The following HMCN2 variants were observed in gnomAD, a reference collection of about 807,000 sequenced individuals.
HMCN2 encodes hemicentin 2.
HMCN2 carries 325 observed loss-of-function variants against 377.5 expected under a neutral mutation model. The ratio of observed to expected loss-of-function variants is 0.86; its 90% CI spans 0.79 to 0.94. The LOEUF is 0.94. Among genes scored for constraint, HMCN2 ranks in the 40% least tolerant of loss-of-function variants. The probability of loss-of-function intolerance (pLI) is 0.00; values close to 1 mark genes in which losing one functional copy is unlikely to be tolerated. For synonymous variants in HMCN2, 2,007 were observed against 2,046.8 expected, an observed-to-expected ratio of 0.98 and a Z score of 0.53; for missense variants, 4,543 against 4,725.3, an observed-to-expected ratio of 0.96 and a Z score of 1.13.
chr9:130,406,482 C>A, intron 82 of HMCN2: 1 of 288,820 alleles, frequency 3.5e-6, no homozygotes, highest in Non-Finnish European at 6.9e-6. Context: ...TCAGCAAACC[C>A]CTTTTGCTGG....
intron 23 of HMCN2, among the ~76,000 whole-genome samples, chr9:130,340,716 C>T (rs2131473625): frequency 6.6e-6 from 1 of 152,260 alleles, no homozygotes; most frequent in Non-Finnish European, 1.5e-5. Context: ...ATGGGTTTCG[C>T]CATGTTGGCT....
intron 1 of HMCN2, among the ~76,000 whole-genome samples, chr9:130,283,901 A>G (rs1415778641): frequency 9.7e-6 from 1 of 103,610 alleles, no homozygotes; most frequent in East Asian, 4.2e-4. Context: ...TTGTGTGAAC[A>G]TATGTTTTCA....
intron 12 of HMCN2, among the ~76,000 whole-genome samples, 190 bp downstream of exon 12, chr9:130,306,460 C>T (rs782016064): frequency 3.3e-5 from 5 of 152,274 alleles, no homozygotes; most frequent in Non-Finnish European, 5.9e-5. Flanking sequence ...GTGGGCTCAG[C>T]GCTCAGGAGC....
chr9:130,348,723 G>A lies in HMCN2; in HGVS notation c.4155+48G>A, dbSNP rs549133139. 24 of 1,295,396 alleles carry A rather than the reference G, an allele frequency of 1.9e-5. No individual in the cohort carries two copies. In the Admixed American group the frequency reaches 5.5e-4, roughly 30 times the overall value. 80.2% of individuals were successfully genotyped at this position (1,295,396 alleles called of 1,614,324 possible). ...CGGGGTATGGGTGGGATTTAGGCTG[G>A]GGACAGGTCTTCTGGATGGGCATTT... is the stretch of plus-strand genomic sequence containing the variant. On this transcript the variant is annotated intron_variant, in intron 27 of 97. Transcript: ENST00000683500.
chr9:130,307,601 T>G, intron 14 of HMCN2, 35 bp downstream of exon 14: 1 of 470,998 alleles, frequency 2.1e-6, no homozygotes, highest in Non-Finnish European at 4.4e-6. Context: ...AAGGAACAGC[T>G]TTCCAGAAAG....
At chr9:130,429,787 C>A in intron 94 of HMCN2, 102 bp downstream of exon 94, 1 of 1,443,932 alleles carries the variant, frequency 6.9e-7, no homozygotes, top group Non-Finnish European at 9.1e-7. Context: ...GACACCCACC[C>A]TCTGGCCAGC....
chr9:130,281,092 G>A (rs1835092073), intron 1 of HMCN2, among the ~76,000 whole-genome samples: 1 of 120,866 alleles, frequency 8.3e-6, no homozygotes, highest in South Asian at 2.7e-4. Context: ...GACAGAGCGA[G>A]ACTCTGTCTG....
At chr9:130,316,192 G>A (rs1010131475) in intron 15 of HMCN2, among the ~76,000 whole-genome samples, 1 of 152,164 alleles carries the variant, frequency 6.6e-6, no homozygotes, top group East Asian at 1.9e-4. Flanking sequence ...TTGCCACCCC[G>A]TCACTGCCAG....
intron 89 of HMCN2, 45 bp from the exon 90 acceptor site, chr9:130,425,642 C>A: frequency 8.3e-7 from 1 of 1,209,888 alleles, no homozygotes; most frequent in East Asian, 2.7e-5. Context: ...CCCTTTCTCC[C>A]TCTCCCCCAC....
intron 15 of HMCN2, among the ~76,000 whole-genome samples, chr9:130,313,872 C>T (rs949117416): frequency 7.3e-5 from 11 of 150,632 alleles, no homozygotes; most frequent in Non-Finnish European, 1.2e-4. Flanking sequence ...CTCTGCCTCC[C>T]GGGTGCAAGT....
chr9:130,395,887 C>T, intron 71 of HMCN2, 37 bp from the exon 72 acceptor site: 3 of 1,267,746 alleles, frequency 2.4e-6, no homozygotes, highest in Non-Finnish European at 2.0e-6. Context: ...CAGCTGGGCA[C>T]TGATAAGGGT....
Position 130,379,397 on chromosome 9 carries a change from A to G in HMCN2, c.8361A>G (p.Pro2787=), listed in dbSNP as rs957926305. ...TGTACTGCGACACCAACGCGATCCC[A>G]CCCCCGGACCTCACCTGGTACAGAG... ...AYLYCDTNAI[P]PPDLTWYRED... Residue 2787 remains proline (P), a synonymous_variant, in exon 54 of 98, where the codon CCA becomes CCG. Coordinates refer to ENST00000683500, the MANE Select transcript of HMCN2 (RefSeq NM_001291815.2). The G allele has an allele frequency of 7.1e-6, 7 of 985,434 alleles. No individual in the cohort carries two copies. The highest frequency in any genetic ancestry group is 1.8e-5 in the African/African-American group (1 of 57,106). 61.0% of individuals were successfully genotyped at this position (985,434 alleles called of 1,614,324 possible). A position where few individuals can be genotyped will look rare whatever the true frequency, so the allele number is the denominator to read the frequency against.
chr9:130,384,859 A>G lies in HMCN2; in HGVS notation c.9106+61A>G, dbSNP rs989229751. On this transcript the variant is annotated intron_variant, in intron 59 of 97. Coordinates refer to ENST00000683500, the MANE Select transcript of HMCN2 (RefSeq NM_001291815.2). ...CACTCCTTCAGTCACCCCTCAGCCC[A>G]TACTCCCCCAGAGAACATAGACAGG... 13 of 1,092,712 alleles carry G rather than the reference A, an allele frequency of 1.2e-5. No homozygotes were observed. In the African/African-American group the frequency reaches 2.1e-4, roughly 18 times the overall value. The allele number at this position is 1,092,712 out of a possible 1,614,324, so 67.7% of individuals were successfully genotyped here. A position where few individuals can be genotyped will look rare whatever the true frequency, so the allele number is the denominator to read the frequency against.
At position 130,351,649 on chromosome 9, in the gene HMCN2, T is replaced by G; in HGVS notation, c.4585+72T>G. 1 of 1,218,840 alleles carries G rather than the reference T, an allele frequency of 8.2e-7. No individual in the cohort carries two copies. The highest frequency in any genetic ancestry group is 1.1e-6 in the Non-Finnish European group (1 of 933,974). 75.5% of individuals were successfully genotyped at this position (1,218,840 alleles called of 1,614,324 possible). A position where few individuals can be genotyped will look rare whatever the true frequency, so the allele number is the denominator to read the frequency against. The stretch of plus-strand genomic sequence containing the variant: ...GCTTCCCACCCAGCTGCCCGCTGCC[T>G]TAGAGGGAGAGTGAGGGCTGAAATG... On this transcript the variant is annotated intron_variant, in intron 30 of 97. Coordinates refer to ENST00000683500, the MANE Select transcript of HMCN2 (RefSeq NM_001291815.2). This position sits in a 1 kb window ranked among gnomAD's most constrained non-coding sequence, Gnocchi z 5.4.
intron 1 of HMCN2, among the ~76,000 whole-genome samples, chr9:130,273,689 G>C (rs1423681476): frequency 6.6e-6 from 1 of 152,136 alleles, no homozygotes; most frequent in African/African-American, 2.4e-5. Context: ...GTAGAGACAG[G>C]GTTTCACCAT....
rs184110721 is a variant in HMCN2 at position 130,423,548 on chromosome 9, T to C, written c.13381+822T>C. 1.6e-3 allele frequency among the ~76,000 whole-genome samples: 246 copies of C among 152,340 alleles called. No individual in the cohort carries two copies. Among genetic ancestry groups the C allele is most frequent in the Middle Eastern group, 3.4e-3 (1 of 294 alleles). ...GGAGAAGCATCTGGCCCCAAGCCCGTGGACCAGGCTTTGTTCCATGAAACA... is the reference window on the plus strand; with the variant it reads ...GGAGAAGCATCTGGCCCCAAGCCCGCGGACCAGGCTTTGTTCCATGAAACA... On this transcript the variant is annotated intron_variant, in intron 87 of 97. Coordinates refer to ENST00000683500, the MANE Select transcript of HMCN2 (RefSeq NM_001291815.2). This position sits in a 1 kb window ranked among gnomAD's most constrained non-coding sequence, Gnocchi z 5.5.
At chr9:130,359,238 G>A in intron 36 of HMCN2, 81 bp from the exon 37 acceptor site, 1 of 682,008 alleles carries the variant, frequency 1.5e-6, no homozygotes, top group Non-Finnish European at 2.3e-6. Context: ...GGAGCAGGGA[G>A]CAGCACTGCT....
rs950233021 is a variant in HMCN2, at chr9:130,377,868, G to A, written c.8212+69G>A. On this transcript the variant is annotated intron_variant, in intron 53 of 97. Coordinates refer to ENST00000683500, the MANE Select transcript of HMCN2 (RefSeq NM_001291815.2). ...GAGGACATTGTGGGGCTGGCCCTCC[G>A]CAGGCCCCCACCATGTGTCCTGCAG... 44 of 969,986 alleles carry A rather than the reference G, an allele frequency of 4.5e-5. No individual in the cohort carries two copies. The South Asian group carries it at 1.1e-3, about 24-fold the overall frequency. 60.1% of individuals were successfully genotyped at this position (969,986 alleles called of 1,614,324 possible). A position where few individuals can be genotyped will look rare whatever the true frequency, so the allele number is the denominator to read the frequency against.
chr9:130,274,394 A>G lies in HMCN2; in HGVS notation c.259+8257A>G, dbSNP rs910634778. Among the ~76,000 whole-genome samples the G allele has an allele frequency of 2.6e-5, 4 of 152,126 alleles. 1 individual carries two copies. The highest frequency in any genetic ancestry group is 4.8e-5 in the African/African-American group (2 of 41,436). On this transcript the variant is annotated intron_variant, in intron 1 of 97. Transcript: ENST00000683500. Reference sequence around the variant, plus strand: ...TCAACTATTTTTGCATTTCTTGCATAAGTCCTGCTTGGTCACGGTGGATTA... The same window carrying G: ...TCAACTATTTTTGCATTTCTTGCATGAGTCCTGCTTGGTCACGGTGGATTA...
Sources: gnomAD v4.1 joint callset for allele counts (sites outside exome capture counted in the v4.1 genomes callset) on GRCh38, gnomAD v4.1.1 for gene constraint, Gnocchi (gnomAD v3.1) non-coding constraint, MANE v1.5 for transcripts, NCBI Gene and HGNC (gene_info 2026-07-23, HGNC 2026-07-21) for gene names.